SLCO5A1: variants seen among roughly 807,000 people sequenced by gnomAD.
The protein encoded by SLCO5A1 is solute carrier organic anion transporter family member 5A1, also known as organic anion transporter polypeptide-related protein 4.
A neutral mutation model predicts 65.1 loss-of-function variants in SLCO5A1; 39 were observed. That is an observed-to-expected ratio of 0.60 (90% CI 0.46 to 0.78). The LOEUF is 0.78. Among genes scored for constraint, SLCO5A1 ranks in the 30% least tolerant of loss-of-function variants. The probability of loss-of-function intolerance (pLI) is 0.00; values close to 1 mark genes in which losing one functional copy is unlikely to be tolerated. For synonymous variants in SLCO5A1, 438 were observed against 415.7 expected (o/e 1.05, Z -0.65); for missense variants, 1,029 against 1,069.4 (o/e 0.96, Z 0.53).
At chr8:69,806,713 T>A (rs994473355) in intron 2 of SLCO5A1, among the ~76,000 whole-genome samples, 10 of 152,206 alleles carry the variant, frequency 6.6e-5, no homozygotes, top group Non-Finnish European at 1.5e-4. Context: ...AGTTTATTAA[T>A]ATCAAACTCA....
chr8:69,703,981 G>A (rs13278501), intron 6 of SLCO5A1, among the ~76,000 whole-genome samples: 19,923 of 152,106 alleles, frequency 0.13, 1,418 homozygotes, highest in Non-Finnish European at 0.16. Context: ...CGGTGTTCAG[G>A]GTCGACAAGT....
At chr8:69,673,369 C>T (rs1472135549) in intron 9 of SLCO5A1, 43 bp from the exon 10 acceptor site, 1 of 1,521,042 alleles carries the variant, frequency 6.6e-7, no homozygotes, top group Admixed American at 1.8e-5. Context: ...CTTAGCACAT[C>T]TTCCAAGGGA....
chr8:69,738,433 C>A (rs1001337399), intron 4 of SLCO5A1, among the ~76,000 whole-genome samples: 2 of 151,130 alleles, frequency 1.3e-5, no homozygotes, highest in Non-Finnish European at 2.9e-5. Context: ...AGTAAAGTAC[C>A]TAAAAACATA....
chr8:69,694,273 A>G (rs560841558), intron 6 of SLCO5A1, among the ~76,000 whole-genome samples: 51 of 152,330 alleles, frequency 3.3e-4, no homozygotes, highest in African/African-American at 1.2e-3. Context: ...GAGTTTGGAT[A>G]AATCACTTCA....
chr8:69,811,186 A>C (rs1224256619), intron 2 of SLCO5A1, among the ~76,000 whole-genome samples: 2 of 152,174 alleles, frequency 1.3e-5, no homozygotes, highest in East Asian at 3.9e-4. Context: ...AGACATAATC[A>C]GAGATTTTAA....
At chr8:69,798,258 G>A (rs1449010404) in intron 2 of SLCO5A1, among the ~76,000 whole-genome samples, 3 of 152,058 alleles carry the variant, frequency 2.0e-5, no homozygotes, top group African/African-American at 7.2e-5. Flanking sequence ...GTATCTGTAT[G>A]GCAATGCCCC....
At position 69,669,493 on chromosome 8, in the gene SLCO5A1, A is replaced by C. The variant is rs1470023319; in HGVS notation, c.*3376T>G. Reference sequence around the variant, plus strand: ...CTAAATGAGTTATTTTACTTCTCTGAGTCTTGGTTTCATATGTTTTTTAAA... The same window carrying C: ...CTAAATGAGTTATTTTACTTCTCTGCGTCTTGGTTTCATATGTTTTTTAAA... On this transcript the variant is annotated 3_prime_UTR_variant, in exon 10 of 10. Transcript: ENST00000260126. 6.6e-6 allele frequency: 1 copy of C among 152,132 alleles called. No homozygotes were observed. The highest frequency in any genetic ancestry group is 1.5e-5 in the Non-Finnish European group (1 of 68,026). 9.4% of individuals were successfully genotyped at this position (152,132 alleles called of 1,614,324 possible). A position where few individuals can be genotyped will look rare whatever the true frequency, so the allele number is the denominator to read the frequency against.
At chr8:69,819,842 G>A (rs893660362) in intron 2 of SLCO5A1, among the ~76,000 whole-genome samples, 1 of 152,116 alleles carries the variant, frequency 6.6e-6, no homozygotes, top group Non-Finnish European at 1.5e-5. Context: ...GGCACTTGTA[G>A]TCCCAGATAC....
At chr8:69,754,638 A>T (rs1817465507) in intron 4 of SLCO5A1, among the ~76,000 whole-genome samples, 1 of 152,214 alleles carries the variant, frequency 6.6e-6, no homozygotes, top group Non-Finnish European at 1.5e-5. Flanking sequence ...AGGTTTCTGG[A>T]ATTAAAGGGA....
intron 5 of SLCO5A1, among the ~76,000 whole-genome samples, chr8:69,723,282 C>T (rs904188448): frequency 5.3e-5 from 8 of 152,048 alleles, no homozygotes; most frequent in African/African-American, 1.9e-4. Context: ...GACAAGGTCT[C>T]ACTCTGTCAC....
At chr8:69,834,591 G>A (rs1464606864) in intron 1 of SLCO5A1, among the ~76,000 whole-genome samples, 1 of 152,060 alleles carries the variant, frequency 6.6e-6, no homozygotes, top group Admixed American at 6.5e-5. Flanking sequence ...CCGCTCGCGG[G>A]GGGCGTCCGA....
In SLCO5A1 at chr8:69,705,131, T is replaced by G; in HGVS notation, c.1522A>C (p.Met508Leu). 6.2e-7 allele frequency: 1 copy of G among 1,614,184 alleles called. No homozygotes were observed. Among genetic ancestry groups the G allele is most frequent in the African/African-American group, 1.3e-5 (1 of 75,038 alleles). The change falls in exon 6 of 10, where the codon ATG becomes CTG. Residue 508 changes from methionine (M) to leucine (L), a missense_variant. Physicochemically the swap from Met to Leu is conservative, Grantham distance 15. Transcript: ENST00000260126. ...LGARESAKLAMICSGVSLLCF... is the reference protein window; with the variant it reads ...LGARESAKLALICSGVSLLCF... ...AGTAAAGACACACCACTGCAGATCA[T>G]TGCTAGTTTTGCAGATTCTCTGGCA...
Position 69,676,868 on chromosome 8 carries a change from G to A in SLCO5A1, c.2025-195C>T, listed in dbSNP as rs79783048. ...CCTGAATAAAGGTTTTCCCAATGTAGACATCAAAGAAACTCTGACTATCTC... is the reference window on the plus strand; with the variant it reads ...CCTGAATAAAGGTTTTCCCAATGTAAACATCAAAGAAACTCTGACTATCTC... On this transcript the variant is annotated intron_variant, in intron 8 of 9. Transcript: ENST00000260126. Among the ~76,000 whole-genome samples, 48 of 152,266 alleles carry A rather than the reference G, an allele frequency of 3.2e-4. No individual in the cohort carries two copies. In the East Asian group the frequency reaches 9.1e-3, roughly 29 times the overall value.
At chr8:69,754,254 C>G (rs1817452840) in intron 4 of SLCO5A1, among the ~76,000 whole-genome samples, 1 of 152,074 alleles carries the variant, frequency 6.6e-6, no homozygotes, top group African/African-American at 2.4e-5. Context: ...TGCACACTGT[C>G]ACAAAATCAT....
chr8:69,829,631 T>C (rs1377325018), intron 2 of SLCO5A1, among the ~76,000 whole-genome samples: 2 of 152,074 alleles, frequency 1.3e-5, no homozygotes, highest in African/African-American at 4.8e-5. Context: ...TGAGCTGAGA[T>C]TGTGCCACTG....
chr8:69,712,103 A>G (rs563974748), intron 5 of SLCO5A1, among the ~76,000 whole-genome samples: 1 of 152,342 alleles, frequency 6.6e-6, no homozygotes, highest in Non-Finnish European at 1.5e-5. Flanking sequence ...ATTTAGCAGC[A>G]TGTCTTTTAT....
intron 7 of SLCO5A1, among the ~76,000 whole-genome samples, chr8:69,680,259 A>G (rs1446903363): frequency 6.6e-6 from 1 of 152,194 alleles, no homozygotes; most frequent in Non-Finnish European, 1.5e-5. Flanking sequence ...ATAGTTCCCA[A>G]CAGGTAGTTT....
chr8:69,674,870 CA>C (rs11378444), intron 9 of SLCO5A1, among the ~76,000 whole-genome samples: 47 of 137,642 alleles, frequency 3.4e-4, no homozygotes, highest in African/African-American at 8.8e-4. Flanking sequence ...AAAAAAAAAA[CA>C]AAAAAAAAAA....
chr8:69,833,446 A>G (rs766380075), intron 1 of SLCO5A1: 4 of 152,226 alleles, frequency 2.6e-5, no homozygotes, highest in Non-Finnish European at 5.9e-5. Context: ...GTTTGCTTTT[A>G]TATGTTAATA....
Sources: gnomAD v4.1 joint callset for allele counts (sites outside exome capture counted in the v4.1 genomes callset) on GRCh38, gnomAD v4.1.1 for gene constraint, MANE v1.5 for transcripts, NCBI Gene and HGNC (gene_info 2026-07-23, HGNC 2026-07-21) for gene names.